Variants in HSPG2 observed in about 807,000 individuals in gnomAD.
HSPG2 encodes the protein basement membrane-specific heparan sulfate proteoglycan core protein.
In HSPG2, 278 loss-of-function variants were observed where a neutral mutation model predicts 526.6. That is an observed-to-expected ratio of 0.53 (90% CI 0.48 to 0.58). The LOEUF (loss-of-function observed/expected upper bound fraction) is 0.58. HSPG2 is among the 20% of genes least tolerant of loss of function. The pLI is 0.00. For synonymous variants in HSPG2, 2,465 were observed against 2,555.4 expected, an observed-to-expected ratio of 0.96 and a Z score of 1.07; for missense variants, 5,354 against 6,099.5, an observed-to-expected ratio of 0.88 and a Z score of 4.07.
At chr1:21,902,904 C>A (rs1643177320) in intron 1 of HSPG2, among the ~76,000 whole-genome samples, 1 of 152,220 alleles carries the variant, frequency 6.6e-6, no homozygotes, top group Non-Finnish European at 1.5e-5. Context: ...ACTGGGCATC[C>A]ACACCCACCA....
chr1:21,936,445 C>T (rs1403106293), intron 1 of HSPG2, among the ~76,000 whole-genome samples: 1 of 152,212 alleles, frequency 6.6e-6, no homozygotes, highest in Non-Finnish European at 1.5e-5. Flanking sequence ...CACTTTGCAG[C>T]TCATTCCACG....
intron 80 of HSPG2, 112 bp from the exon 81 acceptor site, chr1:21,832,718 C>T: frequency 1.3e-6 from 1 of 756,610 alleles, no homozygotes; most frequent in Non-Finnish European, 2.3e-6. Flanking sequence ...GAACCTGTCC[C>T]TCCCTCTGGC....
chr1:21,872,790 G>T lies in HSPG2; in HGVS notation c.3889-30C>A, dbSNP rs377236942. ...GTAGACGGATGGAAGGAGGCAGGCA[G>T]GGGACTCAGTGGGTCTCCTGCACCC... On this transcript the variant is annotated intron_variant, in intron 31 of 96. Transcript: ENST00000374695. The surrounding 1 kb of genome is among the most constrained non-coding windows in gnomAD (Gnocchi z 5.5). 1 of 1,603,518 alleles carries T rather than the reference G, an allele frequency of 6.2e-7. No homozygotes were observed. Among genetic ancestry groups the T allele is most frequent in the Non-Finnish European group, 8.5e-7 (1 of 1,176,044 alleles).
In HSPG2 at chr1:21,841,628, C is replaced by T. The variant is rs1440515428; in HGVS notation, c.9239G>A (p.Gly3080Asp). Residue 3080 changes from glycine (G) to aspartate (D), a missense_variant, in exon 70 of 97, where the codon GGC becomes GAC. Transcript: ENST00000374695. ...GGTACCGTGGTTGCTGGGCCGGGTG[C>T]CCACGATGGTGATGATGGAGCCATT... The part of the protein sequence containing the change: ...SPNGSIITIV[G>D]TRPSNHGTYR... 1.9e-6 allele frequency: 3 copies of T among 1,614,116 alleles called. No individual in the cohort carries two copies. In the South Asian group the frequency reaches 3.3e-5, roughly 18 times the overall value.
chr1:21,875,976 G>T lies in HSPG2; in HGVS notation c.3070C>A (p.Leu1024Met). ...TQRSQPGSTP[L>M]HGQPLVVLQG... is the part of the protein sequence containing the mutation. ...AGCACCACCAACGGCTGCCCGTGCA[G>T]GGGTGTGGAGCCCGGCTGGGACCTC... Residue 1024 changes from leucine (L) to methionine (M), a missense_variant, in exon 24 of 97, where the codon CTG (leucine) becomes ATG (methionine). Physicochemically the swap from Leu to Met is conservative, Grantham distance 15. Coordinates refer to ENST00000374695, the MANE Select transcript of HSPG2 (RefSeq NM_005529.7). The T allele has an allele frequency of 6.2e-7, 1 of 1,614,224 alleles. No homozygotes were observed. The highest frequency in any genetic ancestry group is 2.2e-5 in the East Asian group (1 of 44,894).
chr1:21,872,183 C>A lies in HSPG2; in HGVS notation c.4221+3G>T, dbSNP rs533043527. 6.4e-7 allele frequency: 1 copy of A among 1,551,640 alleles called. No homozygotes were observed. Among genetic ancestry groups the A allele is most frequent in the South Asian group, 1.2e-5 (1 of 84,060 alleles). On this transcript the variant is annotated splice_donor_region_variant and intron_variant, in intron 33 of 96. Coordinates refer to ENST00000374695, the MANE Select transcript of HSPG2 (RefSeq NM_005529.7). This position sits in a 1 kb window ranked among gnomAD's most constrained non-coding sequence, Gnocchi z 5.5. Reference sequence around the variant, plus strand: ...CTGACCCTGGTGCTTGGCTGGGGCCCACCTTGTCTCCCTGGTATGTCTCCG... The same window carrying A: ...CTGACCCTGGTGCTTGGCTGGGGCCAACCTTGTCTCCCTGGTATGTCTCCG...
rs539481074 is a variant in HSPG2, at chr1:21,841,110, C to T, written c.9504G>A (p.Ala3168=). The T allele has an allele frequency of 1.2e-5, 19 of 1,607,068 alleles. No homozygotes were observed. The highest frequency in any genetic ancestry group is 1.1e-4 in the South Asian group (10 of 90,210). The change falls in exon 71 of 97, where the codon GCG becomes GCA. Residue 3168 remains alanine, a synonymous_variant. Coordinates refer to ENST00000374695, the MANE Select transcript of HSPG2 (RefSeq NM_005529.7). ...QRTYGLMDSH[A]VLQISSAKPS... ...GCAGCCCCGGCTTCACCTGCAGCAC[C>T]GCGTGGCTGTCCATGAGCCCATATG...
rs1357464984 is a variant in HSPG2, at chr1:21,839,300, G to C, written c.9889+71C>G. On this transcript the variant is annotated intron_variant, in intron 73 of 96. Transcript: ENST00000374695. This position sits in a 1 kb window ranked among gnomAD's most constrained non-coding sequence, Gnocchi z 4.5. ...CTCTGGATGGGGTTCCTGGGGTTCT[G>C]TGTGGGGTGGAGCCTAGTCGGGGGG... is the stretch of plus-strand genomic sequence containing the variant. 3 of 1,559,700 alleles carry C rather than the reference G, an allele frequency of 1.9e-6. No individual in the cohort carries two copies. The highest frequency in any genetic ancestry group is 1.8e-6 in the Non-Finnish European group (2 of 1,142,536).
chr1:21,824,952 G>T lies in HSPG2; in HGVS notation c.12590-173C>A. 1 of 671,236 alleles carries T rather than the reference G, an allele frequency of 1.5e-6. No individual in the cohort carries two copies. Among genetic ancestry groups the T allele is most frequent in the South Asian group, 1.6e-5 (1 of 61,064 alleles). 41.6% of individuals were successfully genotyped at this position (671,236 alleles called of 1,614,324 possible). The stretch of plus-strand genomic sequence containing the variant: ...AGAATTCAGGGAGCCTATGACCTTG[G>T]ATGGGAAAGCATTACACCTCAATTT... On this transcript the variant is annotated intron_variant, in intron 91 of 96. Transcript: ENST00000374695. This position sits in a 1 kb window ranked among gnomAD's most constrained non-coding sequence, Gnocchi z 5.9.
chr1:21,851,805 GC>G lies in HSPG2; in HGVS notation c.6991del (p.Ala2331ProfsTer3). ...ITVTVTGTQG[A>X]NLAYPAGSTQ... Reference sequence around the variant, plus strand: ...GCCCCACTCACGGTAGGCTAAGTTGGCCCCCTGGGTCCCAGTTACTGTGACC... The same window carrying G: ...GCCCCACTCACGGTAGGCTAAGTTGGCCCCTGGGTCCCAGTTACTGTGACC... On this transcript the variant is annotated frameshift_variant, in exon 54 of 97. Transcript: ENST00000374695. LOFTEE classifies it high-confidence loss of function. The G allele has an allele frequency of 1.9e-6, 3 of 1,613,784 alleles. No homozygotes were observed. The highest frequency in any genetic ancestry group is 1.7e-6 in the Non-Finnish European group (2 of 1,180,010).
Position 21,847,197 on chromosome 1 carries a change from A to G in HSPG2, c.8164+157T>C, listed in dbSNP as rs1027849237. 6.6e-6 allele frequency among the ~76,000 whole-genome samples: 1 copy of G among 152,232 alleles called. No individual in the cohort carries two copies. The highest frequency in any genetic ancestry group is 1.5e-5 in the Non-Finnish European group (1 of 68,044). On this transcript the variant is annotated intron_variant, in intron 62 of 96. Transcript: ENST00000374695. The surrounding 1 kb of genome is among the most constrained non-coding windows in gnomAD (Gnocchi z 4.1). ...CACACGTGGCTATTGAGAATTTGAA[A>G]TGTTAGAAATGGGGTAGCCGTAGCC... is the stretch of plus-strand genomic sequence containing the variant.
At chr1:21,853,975 C>T (rs1639126900) in intron 50 of HSPG2, 9 of 528,664 alleles carry the variant, frequency 1.7e-5, no homozygotes, top group Admixed American at 3.3e-5. Flanking sequence ...TGCTTCCTGA[C>T]AAATTCTGAA....
chr1:21,872,179 G>A lies in HSPG2; in HGVS notation c.4221+7C>T, dbSNP rs1640702486. On this transcript the variant is annotated splice_region_variant and intron_variant, in intron 33 of 96. Coordinates refer to ENST00000374695, the MANE Select transcript of HSPG2 (RefSeq NM_005529.7). The surrounding 1 kb of genome is among the most constrained non-coding windows in gnomAD (Gnocchi z 5.5). ...ACGGCTGACCCTGGTGCTTGGCTGG[G>A]GCCCACCTTGTCTCCCTGGTATGTC... 6.4e-7 allele frequency: 1 copy of A among 1,551,482 alleles called. No individual in the cohort carries two copies. Among genetic ancestry groups the A allele is most frequent in the Non-Finnish European group, 8.7e-7 (1 of 1,146,988 alleles).
chr1:21,840,460 C>T (rs948079852), intron 71 of HSPG2, among the ~76,000 whole-genome samples: 3 of 152,192 alleles, frequency 2.0e-5, no homozygotes, highest in African/African-American at 7.2e-5. Flanking sequence ...CACCCGCCAT[C>T]ACGCCTGGCT....
In HSPG2 at chr1:21,862,587, AAAAAAAAAAAG is replaced by A. The variant is rs1390988606; in HGVS notation, c.4741-483_4741-473del. Among the ~76,000 whole-genome samples the A allele has an allele frequency of 2.1e-5, 3 of 143,128 alleles. No homozygotes were observed. In the East Asian group the frequency reaches 6.2e-4, roughly 30 times the overall value. The allele number at this position is 143,128 out of a possible 152,430, so 93.9% of individuals were successfully genotyped here. Reference sequence around the variant, plus strand: ...CAACAGAGCGAGACTCCATCTCAAAAAAAAAAAAAAGAAAAAAGCAAAAAAAGCTAGAAACA... The same window carrying A: ...CAACAGAGCGAGACTCCATCTCAAAAAAAAAAGCAAAAAAAGCTAGAAACA... On this transcript the variant is annotated intron_variant, in intron 37 of 96. Transcript: ENST00000374695.
At position 21,937,193 on chromosome 1, in the gene HSPG2, G is replaced by T; in HGVS notation, c.25C>A (p.Leu9Met). Reference protein sequence around the residue: MGWRAAGALLLALLLHGRL... With the variant: MGWRAAGAMLLALLLHGRL... ...CCGTGCAGCAGCAGCGCCAGCAGCA[G>T]CGCGCCCGCCGCCCGCCACCCCATG... Residue 9 changes from leucine (L) to methionine (M), a missense_variant, in exon 1 of 97, where the codon CTG becomes ATG. Transcript: ENST00000374695. 1 of 1,087,310 alleles carries T rather than the reference G, an allele frequency of 9.2e-7. No individual in the cohort carries two copies. Among genetic ancestry groups the T allele is most frequent in the Non-Finnish European group, 1.1e-6 (1 of 885,492 alleles). The allele number at this position is 1,087,310 out of a possible 1,614,324, so 67.4% of individuals were successfully genotyped here. A position where few individuals can be genotyped will look rare whatever the true frequency, so the allele number is the denominator to read the frequency against.
chr1:21,874,523 T>C lies in HSPG2; in HGVS notation c.3539A>G (p.His1180Arg). Residue 1180 changes from histidine (H) to arginine (R), a missense_variant, in exon 28 of 97, where the codon CAT becomes CGT. Coordinates refer to ENST00000374695, the MANE Select transcript of HSPG2 (RefSeq NM_005529.7). ...PETGACQGCQ[H>R]HTEGPRCEQC... ...CTCACACCGAGGGCCCTCCGTGTGA[T>C]GCTGGCAGCCCTGGAGGAGCAGGAT... 4 of 1,613,606 alleles carry C rather than the reference T, an allele frequency of 2.5e-6. No individual in the cohort carries two copies. The highest frequency in any genetic ancestry group is 3.4e-6 in the Non-Finnish European group (4 of 1,179,916).
rs374167495 is a variant in HSPG2 at position 21,855,396 on chromosome 1, C to A, written c.5905G>T (p.Ala1969Ser). 7.4e-6 allele frequency: 12 copies of A among 1,612,842 alleles called. No homozygotes were observed. The highest frequency in any genetic ancestry group is 1.0e-5 in the Non-Finnish European group (12 of 1,179,790). ...CAGTACAGCCTGACGGTGCGGCCTG[C>A]GTGGACCTGGGTCCTCTCTGGGCTC... is the stretch of plus-strand genomic sequence containing the variant. Reference protein sequence around the residue: ...QVSPERTQVHAGRTVRLYCRA... With the variant: ...QVSPERTQVHSGRTVRLYCRA... Residue 1969 changes from alanine (A) to serine (S), a missense_variant, in exon 47 of 97, where the codon GCA becomes TCA. Coordinates refer to ENST00000374695, the MANE Select transcript of HSPG2 (RefSeq NM_005529.7).
Position 21,836,804 on chromosome 1 carries a change from G to A in HSPG2, c.10353C>T (p.Leu3451=), listed in dbSNP as rs751248702. 6.4e-7 allele frequency: 1 copy of A among 1,558,140 alleles called. No homozygotes were observed. Among genetic ancestry groups the A allele is most frequent in the Non-Finnish European group, 8.7e-7 (1 of 1,155,750 alleles). Reference sequence around the variant, plus strand: ...GTCCTGCCCCCGGCCCCACTCACCGGAGCACCCCATCCTGCACGCTGTGAC... The same window carrying A: ...GTCCTGCCCCCGGCCCCACTCACCGAAGCACCCCATCCTGCACGCTGTGAC... ...PPGHSVQDGV[L]RIQNLDQSCQ... The change falls in exon 75 of 97, where the codon CTC becomes CTT. Residue 3451 remains leucine (L), a splice_region_variant and synonymous_variant. Transcript: ENST00000374695.
Sources: allele counts gnomAD v4.1 joint callset (sites outside exome capture counted in the v4.1 genomes callset), GRCh38; gene constraint gnomAD v4.1.1; non-coding constraint Gnocchi (gnomAD v3.1); transcripts MANE v1.5; gene names NCBI Gene and HGNC (gene_info 2026-07-23, HGNC 2026-07-21).